Variants in ETNK1 observed in about 807,000 individuals in gnomAD.
ETNK1 encodes ethanolamine kinase 1, also known as putative protein product of Nbla10396.
Under a neutral mutation model 45.1 loss-of-function variants are expected in ETNK1, and 8 were observed. That is an observed-to-expected ratio of 0.18 (90% CI 0.10 to 0.32). The LOEUF is 0.32. Ranked by LOEUF, ETNK1 falls within the 10% of genes least tolerant of loss-of-function variation. The pLI, the probability that ETNK1 is intolerant of heterozygous loss-of-function variation, is 1.00. For synonymous variants in ETNK1, 152 were observed against 151.9 expected, an observed-to-expected ratio of 1.00 and a Z score of -0.01; for missense variants, 302 against 430.6, an observed-to-expected ratio of 0.70 and a Z score of 2.64.
At chr12:22,636,438 G>A (rs1181673851) in intron 1 of ETNK1, among the ~76,000 whole-genome samples, 1 of 151,936 alleles carries the variant, frequency 6.6e-6, no homozygotes. Context: ...AAGCTGTATT[G>A]TTGGATACAT....
At chr12:22,642,379 C>A (rs146961511) in intron 1 of ETNK1, among the ~76,000 whole-genome samples, 171 of 151,974 alleles carry the variant, frequency 1.1e-3, no homozygotes, top group African/African-American at 3.8e-3. Context: ...ATATATTCTT[C>A]CTGACAGTGT....
intron 2 of ETNK1, among the ~76,000 whole-genome samples, chr12:22,655,057 C>T (rs957627501): frequency 5.9e-5 from 9 of 152,192 alleles, no homozygotes; most frequent in African/African-American, 1.9e-4. Context: ...GAACCTCCCC[C>T]TTGGGTTCAA....
intron 1 of ETNK1, among the ~76,000 whole-genome samples, chr12:22,631,155 T>C (rs1262972904): frequency 6.6e-6 from 1 of 151,820 alleles, no homozygotes; most frequent in Non-Finnish European, 1.5e-5. Context: ...GACAGAGCCT[T>C]GCAAGTAGTA....
At chr12:22,683,675 T>A (rs1954234029) in intron 6 of ETNK1, among the ~76,000 whole-genome samples, 1 of 152,170 alleles carries the variant, frequency 6.6e-6, no homozygotes, top group African/African-American at 2.4e-5. Context: ...TGCTGCTTGG[T>A]ATTTTTAAAT....
intron 1 of ETNK1, chr12:22,638,719 T>C (rs954340995): frequency 2.6e-5 from 4 of 152,332 alleles, no homozygotes; most frequent in African/African-American, 7.2e-5. Context: ...TCCTCACTTA[T>C]GCTTTGATTA....
At position 22,673,673 on chromosome 12, in the gene ETNK1, G is replaced by A. The variant is rs1378082471; in HGVS notation, c.945+13G>A. 1.9e-6 allele frequency: 3 copies of A among 1,598,396 alleles called. No individual in the cohort carries two copies. The highest frequency in any genetic ancestry group is 2.6e-6 in the Non-Finnish European group (3 of 1,169,572). ...TCAGTTTGCATTGGTAAGTTTAAAT[G>A]TACACAATTAATGAAAGGTTCTTAC... On this transcript the variant is annotated intron_variant, in intron 6 of 7. Transcript: ENST00000266517.
At chr12:22,674,152 T>G (rs529783615) in intron 6 of ETNK1, among the ~76,000 whole-genome samples, 9 of 152,340 alleles carry the variant, frequency 5.9e-5, no homozygotes, top group African/African-American at 1.9e-4. Context: ...TATTTCCAGC[T>G]TTATTGGTGT....
rs144519091 is a variant in ETNK1, at chr12:22,682,145, C to A, written c.946-2338C>A. 19 of 190,816 alleles carry A rather than the reference C, an allele frequency of 1.0e-4. No homozygotes were observed. The East Asian group carries it at 2.8e-3, about 28-fold the overall frequency. 11.8% of individuals were successfully genotyped at this position (190,816 alleles called of 1,614,324 possible). ...TGTATAGATCTTCCAAATGTTGACA[C>A]ATCTCATTATAAGATAGCTAAAGAT... On this transcript the variant is annotated intron_variant, in intron 6 of 7. Coordinates refer to ENST00000266517, the MANE Select transcript of ETNK1 (RefSeq NM_018638.5).
At chr12:22,680,895 CG>C (rs139865464) in intron 6 of ETNK1, among the ~76,000 whole-genome samples, 27,603 of 62,172 alleles carry the variant, frequency 0.44, 7,082 homozygotes, top group Non-Finnish European at 0.57. Flanking sequence ...TTTCTTCCCC[CG>C]CCCCCCCCTC....
chr12:22,671,813 T>C (rs954845783), intron 5 of ETNK1, among the ~76,000 whole-genome samples: 2 of 138,792 alleles, frequency 1.4e-5, no homozygotes, highest in Admixed American at 7.6e-5. Flanking sequence ...CACTCCAGCC[T>C]GGGCGATAGA....
chr12:22,634,725 T>C (rs1953632345), intron 1 of ETNK1, among the ~76,000 whole-genome samples: 1 of 152,140 alleles, frequency 6.6e-6, no homozygotes, highest in Non-Finnish European at 1.5e-5. Flanking sequence ...TATTTATTTA[T>C]TTATTTATTT....
At chr12:22,634,837 A>G (rs10842040) in intron 1 of ETNK1, among the ~76,000 whole-genome samples, 44,682 of 151,926 alleles carry the variant, frequency 0.29, 6,835 homozygotes, top group Non-Finnish European at 0.33. Context: ...TTACAGGCAT[A>G]AGCCATCACA....
chr12:22,674,683 T>C (rs1293428868), intron 6 of ETNK1, among the ~76,000 whole-genome samples: 1 of 152,236 alleles, frequency 6.6e-6, no homozygotes, highest in African/African-American at 2.4e-5. Context: ...ATTCCATTTA[T>C]GCATTGAATT....
intron 1 of ETNK1, among the ~76,000 whole-genome samples, chr12:22,638,091 T>G (rs556648075): frequency 3.3e-4 from 50 of 152,070 alleles, no homozygotes; most frequent in Admixed American, 6.5e-4. Flanking sequence ...TGGAAATAAT[T>G]GAATACAAAA....
At chr12:22,655,319 GGTTTGTTT>G (rs1398217199) in intron 2 of ETNK1, among the ~76,000 whole-genome samples, 3 of 139,432 alleles carry the variant, frequency 2.2e-5, no homozygotes, top group African/African-American at 5.3e-5. Flanking sequence ...GGATATTTGG[GGTTTGTTT>G]GTTTTTTTTT....
chr12:22,660,703 TA>T (rs1218796809), intron 3 of ETNK1, among the ~76,000 whole-genome samples: 7 of 152,136 alleles, frequency 4.6e-5, no homozygotes, highest in Non-Finnish European at 1.0e-4. Context: ...CTCTATTTAT[TA>T]AATGCTTTGT....
chr12:22,642,032 A>G (rs936987704), intron 1 of ETNK1, among the ~76,000 whole-genome samples: 3 of 152,128 alleles, frequency 2.0e-5, no homozygotes, highest in African/African-American at 7.2e-5. Context: ...AGAGAATGCA[A>G]TTTTTATAAG....
intron 2 of ETNK1, among the ~76,000 whole-genome samples, chr12:22,646,603 G>A (rs1953809847): frequency 6.6e-6 from 1 of 151,760 alleles, no homozygotes; most frequent in South Asian, 2.1e-4. Flanking sequence ...AGACACTATT[G>A]ATTGTTAGGT....
chr12:22,672,890 G>T (rs556036846), intron 5 of ETNK1, among the ~76,000 whole-genome samples: 1 of 152,006 alleles, frequency 6.6e-6, no homozygotes, highest in African/African-American at 2.4e-5. Context: ...AAATTTGTGG[G>T]GTAATGACTT....
Sources: gnomAD v4.1 joint callset for allele counts (sites outside exome capture counted in the v4.1 genomes callset) on GRCh38, gnomAD v4.1.1 for gene constraint, MANE v1.5 for transcripts, NCBI Gene and HGNC (gene_info 2026-07-23, HGNC 2026-07-21) for gene names.